UNC13A: variants seen among roughly 807,000 people sequenced by gnomAD.
UNC13A encodes protein unc-13 homolog A.
In UNC13A, 61 loss-of-function variants were observed where a neutral mutation model predicts 219.7. That is an observed-to-expected ratio of 0.28 (90% CI 0.23 to 0.34). UNC13A has a LOEUF of 0.34. Ranked by LOEUF, UNC13A falls within the 10% of genes least tolerant of loss-of-function variation. The probability of loss-of-function intolerance (pLI) is 1.00; values close to 1 mark genes in which losing one functional copy is unlikely to be tolerated. For synonymous variants in UNC13A, 920 were observed against 884.6 expected (o/e 1.04, Z -0.71); for missense variants, 1,476 against 2,270.3 (o/e 0.65, Z 7.11).
intron 41 of UNC13A, among the ~76,000 whole-genome samples, 171 bp downstream of exon 41, chr19:17,617,531 C>T (rs929212655): frequency 6.6e-6 from 1 of 152,156 alleles, no homozygotes; most frequent in Non-Finnish European, 1.5e-5. Flanking sequence ...CGTCAGAGGC[C>T]CCGCCCCCAT....
Position 17,620,673 on chromosome 19 carries a change from C to G in UNC13A, c.4272+20G>C, listed in dbSNP as rs773347987. On this transcript the variant is annotated intron_variant, in intron 38 of 43. Coordinates refer to ENST00000519716, the MANE Select transcript of UNC13A (RefSeq NM_001080421.3). ...GGGAGTGGGATGGGAGCCAGACAGA[C>G]AGTGAGAGGCCGGTCTTACGTCTGA... 1.2e-6 allele frequency: 2 copies of G among 1,611,214 alleles called. No individual in the cohort carries two copies. The highest frequency in any genetic ancestry group is 1.7e-5 in the Admixed American group (1 of 59,718).
At chr19:17,678,976 G>A (rs1374076657) in intron 1 of UNC13A, among the ~76,000 whole-genome samples, 2 of 151,980 alleles carry the variant, frequency 1.3e-5, no homozygotes, top group East Asian at 3.9e-4. Flanking sequence ...GACAGCGAGA[G>A]TACCAGGCAT....
intron 19 of UNC13A, among the ~76,000 whole-genome samples, chr19:17,644,981 C>A (rs2077009504): frequency 6.7e-6 from 1 of 149,876 alleles, no homozygotes; most frequent in Non-Finnish European, 1.5e-5. Flanking sequence ...CAGATGTGAG[C>A]CACTGCCCGG....
rs75421007 is a variant in UNC13A at position 17,605,106 on chromosome 19, G to A, written c.*948C>T. The A allele has an allele frequency of 0.048, 7,308 of 152,752 alleles. 252 individuals are homozygous for A. The highest frequency in any genetic ancestry group is 0.12 in the South Asian group (592 of 4,822). 9.5% of individuals were successfully genotyped at this position (152,752 alleles called of 1,614,324 possible). On this transcript the variant is annotated 3_prime_UTR_variant, in exon 44 of 44. Transcript: ENST00000519716. ...GCCGGAGAAGGAAAGGCGAAGTAGG[G>A]GTCTTGGCCTGGAATTCCCACCCCT...
At chr19:17,606,456 T>G in intron 43 of UNC13A, 102 bp from the exon 44 acceptor site, 1 of 1,413,430 alleles carries the variant, frequency 7.1e-7, no homozygotes, top group Non-Finnish European at 9.4e-7. Flanking sequence ...CACACCGGGG[T>G]GCCCACACCT....
At chr19:17,665,160 A>G (rs1274827550) in intron 7 of UNC13A, among the ~76,000 whole-genome samples, 1 of 151,218 alleles carries the variant, frequency 6.6e-6, no homozygotes, top group Admixed American at 6.6e-5. Context: ...AGATAGTACT[A>G]TTGCAGTCCA....
intron 20 of UNC13A, 35 bp downstream of exon 20, chr19:17,642,810 A>G: frequency 6.5e-7 from 1 of 1,543,028 alleles, no homozygotes; most frequent in Middle Eastern, 1.7e-4. Flanking sequence ...TGGTGAGTGG[A>G]AGTGGCATGG....
intron 1 of UNC13A, among the ~76,000 whole-genome samples, chr19:17,683,501 T>G (rs565256178): frequency 9.9e-5 from 15 of 151,732 alleles, no homozygotes; most frequent in Admixed American, 2.6e-4. Flanking sequence ...CTACTAAAAA[T>G]ACAAAAACTA....
intron 10 of UNC13A, 128 bp from the exon 11 acceptor site, chr19:17,655,510 C>T (rs2079433644): frequency 1.3e-6 from 1 of 788,800 alleles, no homozygotes; most frequent in Non-Finnish European, 2.0e-6. Context: ...GACATTAGGA[C>T]CCACGTGAGT....
rs952015248 is a variant in UNC13A, at chr19:17,645,528, G to T, written c.2356+146C>A. 2.9e-4 allele frequency: 338 copies of T among 1,171,054 alleles called. 1 individual carries two copies. The highest frequency in any genetic ancestry group is 1.3e-4 in the East Asian group (5 of 38,900). 72.5% of individuals were successfully genotyped at this position (1,171,054 alleles called of 1,614,324 possible). On this transcript the variant is annotated intron_variant, in intron 19 of 43. Transcript: ENST00000519716. The stretch of plus-strand genomic sequence containing the variant: ...GTGCTTCCTGCTCCCATCAAACTGG[G>T]CTCCTAGACCCTGCCTCCCCCATCA...
intron 5 of UNC13A, 107 bp from the exon 6 acceptor site, chr19:17,668,297 G>A (rs2079702559): frequency 3.7e-6 from 4 of 1,086,504 alleles, no homozygotes; most frequent in Non-Finnish European, 4.1e-6. Flanking sequence ...TGGGGTCTTT[G>A]GCAAAGCCTC....
chr19:17,678,802 C>G (rs574797999), intron 1 of UNC13A, among the ~76,000 whole-genome samples: 4 of 151,624 alleles, frequency 2.6e-5, no homozygotes, highest in South Asian at 2.1e-4. Flanking sequence ...TAGAATGTGA[C>G]GGGATCGGGG....
intron 38 of UNC13A, among the ~76,000 whole-genome samples, chr19:17,619,438 C>CTTT (rs3049774): frequency 3.3e-5 from 3 of 90,310 alleles, no homozygotes; most frequent in African/African-American, 9.0e-5. Flanking sequence ...TTTTTCTTTT[C>CTTT]TTTTTTTTTT....
chr19:17,672,582 C>T, intron 3 of UNC13A, 87 bp from the exon 4 acceptor site: 8 of 962,332 alleles, frequency 8.3e-6, no homozygotes, highest in Non-Finnish European at 1.3e-5. Flanking sequence ...TGAGAACACA[C>T]AGCATACTGC....
In UNC13A at chr19:17,652,864, C is replaced by T. The variant is rs186107767; in HGVS notation, c.1393-187G>A. 3.9e-5 allele frequency among the ~76,000 whole-genome samples: 6 copies of T among 152,252 alleles called. 1 individual carries two copies. Among genetic ancestry groups the T allele is most frequent in the Middle Eastern group, 3.4e-3 (1 of 294 alleles). On this transcript the variant is annotated intron_variant, in intron 11 of 43. Transcript: ENST00000519716. ...TTAGTTTGTCCATCTGTAAGATGGG[C>T]TGGGGGAGAAAGAAGCTCTTCTCTT...
intron 37 of UNC13A, 83 bp downstream of exon 37, chr19:17,621,749 C>T (rs2076731991): frequency 6.7e-7 from 1 of 1,490,142 alleles, no homozygotes; most frequent in African/African-American, 1.4e-5. Context: ...GCCCTTCCTG[C>T]CCAGGTGCAC....
rs976254554 is a variant in UNC13A, at chr19:17,618,595, C to G, written c.4330-94G>C. The G allele has an allele frequency of 6.0e-5, 78 of 1,304,142 alleles. 1 individual carries two copies. Among genetic ancestry groups the G allele is most frequent in the Non-Finnish European group, 7.7e-5 (71 of 924,130 alleles). The allele number at this position is 1,304,142 out of a possible 1,614,324, so 80.8% of individuals were successfully genotyped here. On this transcript the variant is annotated intron_variant, in intron 39 of 43. Coordinates refer to ENST00000519716, the MANE Select transcript of UNC13A (RefSeq NM_001080421.3). ...CTCATCCCTGTTCAACTTGGAGGAG[C>G]TGGGCTGAGGGTCTATGTTTTCATC...
rs548866697 is a variant in UNC13A, at chr19:17,649,131, G to A, written c.1525-148C>T. Reference sequence around the variant, plus strand: ...CAGGTCACCGACAGCATCCGGGCCAGACCCAACAAAGAATTAGGAGGTGAC... The same window carrying A: ...CAGGTCACCGACAGCATCCGGGCCAAACCCAACAAAGAATTAGGAGGTGAC... On this transcript the variant is annotated intron_variant, in intron 14 of 43. Transcript: ENST00000519716. The surrounding 1 kb of genome is among the most constrained non-coding windows in gnomAD (Gnocchi z 4.4). 3.6e-4 allele frequency: 425 copies of A among 1,193,372 alleles called. No individual in the cohort carries two copies. The highest frequency in any genetic ancestry group is 4.9e-4 in the Non-Finnish European group (412 of 844,666). 73.9% of individuals were successfully genotyped at this position (1,193,372 alleles called of 1,614,324 possible).
At chr19:17,633,722 CATCT>C (rs751514185) in intron 26 of UNC13A, among the ~76,000 whole-genome samples, 135 of 151,622 alleles carry the variant, frequency 8.9e-4, no homozygotes, top group Admixed American at 1.6e-3. Context: ...TTCACCTATC[CATCT>C]ATCTATTTAT....
Sources: gnomAD v4.1 joint callset for allele counts (sites outside exome capture counted in the v4.1 genomes callset) on GRCh38, gnomAD v4.1.1 for gene constraint, Gnocchi (gnomAD v3.1) non-coding constraint, MANE v1.5 for transcripts, NCBI Gene and HGNC (gene_info 2026-07-23, HGNC 2026-07-21) for gene names.